Variants in LRRC40 observed in about 807,000 individuals in gnomAD.
LRRC40 encodes the protein leucine-rich repeat-containing protein 40.
Under a neutral mutation model 72.8 loss-of-function variants are expected in LRRC40, and 76 were observed. The ratio of observed to expected loss-of-function variants is 1.04; its 90% confidence interval spans 0.87 to 1.26. LRRC40 has a LOEUF of 1.26. Among genes scored for constraint, LRRC40 ranks in the 50% most tolerant of loss-of-function variants. LRRC40 has a pLI of 0.00. For synonymous variants in LRRC40, 243 were observed against 254.2 expected (o/e 0.96, Z 0.42); for missense variants, 684 against 698.9 (o/e 0.98, Z 0.24).
chr1:70,191,161 CACAA>C (rs1668491958), intron 1 of LRRC40, among the ~76,000 whole-genome samples: 1 of 149,388 alleles, frequency 6.7e-6, no homozygotes, highest in African/African-American at 2.5e-5. Context: ...TAGTATGAGT[CACAA>C]ACAAAAAGCT....
Position 70,145,699 on chromosome 1 carries a change from C to A in LRRC40, c.*101G>T, listed in dbSNP as rs1215506712. 4 of 592,474 alleles carry A rather than the reference C, an allele frequency of 6.8e-6. No homozygotes were observed. Among genetic ancestry groups the A allele is most frequent in the African/African-American group, 5.6e-5 (3 of 53,272 alleles). The allele number at this position is 592,474 out of a possible 1,614,324, so 36.7% of individuals were successfully genotyped here. ...TACTGGGAAACTACAAGATCAATTA[C>A]AATAATCACCTTTTAAGATGATACT... On this transcript the variant is annotated 3_prime_UTR_variant, in exon 15 of 15. Transcript: ENST00000370952.
At chr1:70,160,433 G>A (rs1667731317) in intron 9 of LRRC40, among the ~76,000 whole-genome samples, 1 of 152,108 alleles carries the variant, frequency 6.6e-6, no homozygotes, top group South Asian at 2.1e-4. Flanking sequence ...AAGTAGCACA[G>A]AATAAATGAC....
In LRRC40 at chr1:70,155,749, T is replaced by G; in HGVS notation, c.1268A>C (p.Lys423Thr). The G allele has an allele frequency of 6.3e-7, 1 of 1,582,422 alleles. No homozygotes were observed. The highest frequency in any genetic ancestry group is 1.7e-5 in the Admixed American group (1 of 58,734). The change falls in exon 11 of 15, where the codon AAA becomes ACA. Residue 423 changes from lysine to threonine, a missense_variant. Coordinates refer to ENST00000370952, the MANE Select transcript of LRRC40 (RefSeq NM_017768.5). The stretch of plus-strand genomic sequence containing the variant: ...GTTAATAGAAGTGACGATGTTGCTT[T>G]TTACTGCATCAAACACCTCATCAGG... ...LIPDEVFDAV[K>T]SNIVTSINFS...
intron 4 of LRRC40, among the ~76,000 whole-genome samples, chr1:70,183,587 T>C (rs964183108): frequency 6.6e-6 from 1 of 152,052 alleles, no homozygotes; most frequent in Non-Finnish European, 1.5e-5. Flanking sequence ...CAGGGTCTCC[T>C]GTCATCCACG....
At chr1:70,162,104 A>AT (rs546896122) in intron 9 of LRRC40, among the ~76,000 whole-genome samples, 102 of 152,178 alleles carry the variant, frequency 6.7e-4, no homozygotes, top group African/African-American at 2.1e-3. Context: ...CATTTTTTAG[A>AT]TTTTTTTAAC....
At position 70,148,375 on chromosome 1, in the gene LRRC40, G is replaced by T. The variant is rs545897388; in HGVS notation, c.1703+112C>A. 187 of 830,682 alleles carry T rather than the reference G, an allele frequency of 2.3e-4. 1 individual carries two copies. In the African/African-American group the frequency reaches 2.9e-3, roughly 13 times the overall value. The allele number at this position is 830,682 out of a possible 1,614,324, so 51.5% of individuals were successfully genotyped here. On this transcript the variant is annotated intron_variant, in intron 14 of 14. Coordinates refer to ENST00000370952, the MANE Select transcript of LRRC40 (RefSeq NM_017768.5). Reference sequence around the variant, plus strand: ...TTTTGTTACTTGTTATTTTTAACAGGATATTAAATCTGTTACTTTAACTTC... The same window carrying T: ...TTTTGTTACTTGTTATTTTTAACAGTATATTAAATCTGTTACTTTAACTTC...
intron 1 of LRRC40, among the ~76,000 whole-genome samples, chr1:70,203,841 G>A (rs1668807207): frequency 2.0e-5 from 3 of 151,748 alleles, no homozygotes; most frequent in African/African-American, 7.3e-5. Flanking sequence ...ACTAACAAGT[G>A]ATGAAACTGA....
intron 1 of LRRC40, among the ~76,000 whole-genome samples, chr1:70,194,859 A>G (rs926705977): frequency 1.3e-5 from 2 of 152,182 alleles, no homozygotes; most frequent in Non-Finnish European, 2.9e-5. Flanking sequence ...TAGTATTAGC[A>G]TAAGGATAAA....
intron 1 of LRRC40, among the ~76,000 whole-genome samples, chr1:70,192,010 T>C (rs745844799): frequency 2.6e-5 from 4 of 152,162 alleles, no homozygotes; most frequent in Non-Finnish European, 4.4e-5. Context: ...GTGAAGAATG[T>C]CATTGGTAGT....
chr1:70,197,577 C>T (rs1189747502), intron 1 of LRRC40, among the ~76,000 whole-genome samples: 1 of 150,116 alleles, frequency 6.7e-6, no homozygotes, highest in Admixed American at 6.7e-5. Context: ...TCACACCTGG[C>T]CCCCCCAACC....
intron 11 of LRRC40, among the ~76,000 whole-genome samples, chr1:70,153,542 G>A (rs940170055): frequency 6.6e-6 from 1 of 152,086 alleles, no homozygotes; most frequent in Non-Finnish European, 1.5e-5. Flanking sequence ...GTCAAACTCT[G>A]ACTTAATAAT....
At chr1:70,185,096 G>A (rs1370231716) in intron 3 of LRRC40, among the ~76,000 whole-genome samples, 182 bp from the exon 4 acceptor site, 2 of 152,114 alleles carry the variant, frequency 1.3e-5, no homozygotes, top group Non-Finnish European at 2.9e-5. Context: ...GTAATCTAAA[G>A]TAACCACATT....
chr1:70,167,333 G>A (rs1022871771), intron 9 of LRRC40, among the ~76,000 whole-genome samples: 4 of 151,960 alleles, frequency 2.6e-5, no homozygotes, highest in Non-Finnish European at 5.9e-5. Context: ...GCTAAGGCAG[G>A]CAAATCATCT....
chr1:70,179,272 T>G (rs1422885423), intron 5 of LRRC40, among the ~76,000 whole-genome samples: 2 of 152,086 alleles, frequency 1.3e-5, no homozygotes, highest in Non-Finnish European at 2.9e-5. Flanking sequence ...ACTTGAGTTC[T>G]GGAGTTCAAG....
At chr1:70,167,230 T>TAAAAAAAAAAAAAAAA (rs376215808) in intron 9 of LRRC40, among the ~76,000 whole-genome samples, 3 of 126,928 alleles carry the variant, frequency 2.4e-5, no homozygotes, top group Non-Finnish European at 1.7e-5. Flanking sequence ...TAAAAAGTGT[T>TAAAAAAAAAAAAAAAA]AAAAAAAAAA....
intron 9 of LRRC40, among the ~76,000 whole-genome samples, chr1:70,171,727 A>T (rs1210556307): frequency 6.6e-6 from 1 of 152,114 alleles, no homozygotes; most frequent in Non-Finnish European, 1.5e-5. Context: ...GAATCAGAAC[A>T]CTCATATACT....
At chr1:70,160,398 TATC>T (rs1462568963) in intron 9 of LRRC40, among the ~76,000 whole-genome samples, 1 of 152,184 alleles carries the variant, frequency 6.6e-6, no homozygotes, top group Non-Finnish European at 1.5e-5. Flanking sequence ...CCCAGGCAAG[TATC>T]ATATGAATAC....
At chr1:70,164,963 G>C (rs1667850228) in intron 9 of LRRC40, among the ~76,000 whole-genome samples, 1 of 152,126 alleles carries the variant, frequency 6.6e-6, no homozygotes, top group Non-Finnish European at 1.5e-5. Context: ...ATACTATTTA[G>C]ATGAATCAAG....
Position 70,187,464 on chromosome 1 carries a change from A to AACT in LRRC40, c.334-129_334-127dup, listed in dbSNP as rs1199737745. ...CCTCAAATTCAATGGCAACAAGTTG[A>AACT]ACTACTGTTCAACATACTTGTTCTG... On this transcript the variant is annotated intron_variant, in intron 2 of 14. Transcript: ENST00000370952. 3 of 563,322 alleles carry AACT rather than the reference A, an allele frequency of 5.3e-6. No homozygotes were observed. The Admixed American group carries it at 1.0e-4, about 19-fold the overall frequency. The allele number at this position is 563,322 out of a possible 1,614,324, so 34.9% of individuals were successfully genotyped here. A position where few individuals can be genotyped will look rare whatever the true frequency, so the allele number is the denominator to read the frequency against.
Sources: gnomAD v4.1 joint callset for allele counts (sites outside exome capture counted in the v4.1 genomes callset) on GRCh38, gnomAD v4.1.1 for gene constraint, MANE v1.5 for transcripts, NCBI Gene and HGNC (gene_info 2026-07-23, HGNC 2026-07-21) for gene names.